Variants in MYCBP2 observed in about 807,000 individuals in gnomAD.
The protein encoded by MYCBP2 is E3 ubiquitin-protein ligase MYCBP2.
MYCBP2 carries 120 observed loss-of-function variants against 525.3 expected under a neutral mutation model. That is an observed-to-expected ratio of 0.23 (90% CI 0.20 to 0.27). The LOEUF (loss-of-function observed/expected upper bound fraction) is 0.27. MYCBP2 is among the 10% of genes least tolerant of loss of function. MYCBP2 has a pLI of 1.00. For synonymous variants in MYCBP2, 1,894 were observed against 1,955.8 expected, an observed-to-expected ratio of 0.97 and a Z score of 0.83; for missense variants, 4,149 against 5,657.1, an observed-to-expected ratio of 0.73 and a Z score of 8.55.
intron 23 of MYCBP2, among the ~76,000 whole-genome samples, chr13:77,209,324 A>G (rs138600326): frequency 6.6e-6 from 1 of 152,330 alleles, no homozygotes; most frequent in East Asian, 1.9e-4. Context: ...TTATACTGTT[A>G]TTGCTAACTT....
intron 39 of MYCBP2, among the ~76,000 whole-genome samples, chr13:77,169,251 C>A (rs2058873343): frequency 1.3e-5 from 2 of 152,076 alleles, no homozygotes; most frequent in Non-Finnish European, 2.9e-5. Flanking sequence ...AAAAAATTAG[C>A]CGGGCGCAGT....
Position 77,232,042 on chromosome 13 carries a change from T to C in MYCBP2, c.2737+1114A>G, listed in dbSNP as rs143830500. ...ACACTATTTTTATTTCTGCAGAGTA[T>C]ATCTTAAGTTGTGCTCTATTTACAC... On this transcript the variant is annotated intron_variant, in intron 18 of 82. Transcript: ENST00000544440. Among the ~76,000 whole-genome samples the C allele has an allele frequency of 4.2e-3, 635 of 152,344 alleles. 6 individuals carry two copies. Among genetic ancestry groups the C allele is most frequent in the African/African-American group, 0.014 (571 of 41,580 alleles).
chr13:77,098,878 C>T lies in MYCBP2; in HGVS notation c.8276G>A (p.Arg2759Lys). The T allele has an allele frequency of 1.2e-6, 2 of 1,613,656 alleles. No homozygotes were observed. The highest frequency in any genetic ancestry group is 1.7e-6 in the Non-Finnish European group (2 of 1,179,746). ...SRTTADQKKPRGTESLSASES... is the reference protein window; with the variant it reads ...SRTTADQKKPKGTESLSASES... Reference sequence around the variant, plus strand: ...ACTAGCAGATAAACTTTCTGTGCCCCTTGGCTTCTTCTGATCAGCAGTAGT... The same window carrying T: ...ACTAGCAGATAAACTTTCTGTGCCCTTTGGCTTCTTCTGATCAGCAGTAGT... The change falls in exon 56 of 83, where the codon AGG becomes AAG. Residue 2759 changes from arginine (R) to lysine (K), a missense_variant. This residue lies in a region of MYCBP2 where 653 missense variants were observed against 744.7 expected (regional missense o/e 0.88). Coordinates refer to ENST00000544440, the MANE Select transcript of MYCBP2 (RefSeq NM_015057.5).
intron 80 of MYCBP2, among the ~76,000 whole-genome samples, chr13:77,054,056 G>A (rs1203368800): frequency 6.6e-6 from 1 of 152,274 alleles, no homozygotes; most frequent in Non-Finnish European, 1.5e-5. Flanking sequence ...GAAGTGAGAT[G>A]GGGGTATGTT....
intron 55 of MYCBP2, among the ~76,000 whole-genome samples, chr13:77,120,371 A>C (rs1307076845): frequency 6.6e-6 from 1 of 152,210 alleles, no homozygotes; most frequent in Non-Finnish European, 1.5e-5. Flanking sequence ...TCATAAAAAT[A>C]CTTTGTGGAA....
rs777801953 is a variant in MYCBP2 at position 77,090,215 on chromosome 13, G to A, written c.10416C>T (p.Val3472=). The A allele has an allele frequency of 5.6e-6, 9 of 1,612,636 alleles. No homozygotes were observed. In the South Asian group the frequency reaches 6.6e-5, roughly 12 times the overall value. Residue 3472 remains valine (V), a synonymous_variant, in exon 60 of 83, where the codon GTC becomes GTT. Coordinates refer to ENST00000544440, the MANE Select transcript of MYCBP2 (RefSeq NM_015057.5). The part of the protein sequence containing the change: ...ITDTDLAKRT[V]FQRSYSVVAS... ...CAACAACTGAGTATGATCTTTGGAA[G>A]ACAGTTCTCTTTGCAAGATCAGTAT...
At chr13:77,056,414 C>T (rs759048500) in intron 79 of MYCBP2, among the ~76,000 whole-genome samples, 29 of 151,896 alleles carry the variant, frequency 1.9e-4, no homozygotes, top group Non-Finnish European at 4.0e-4. Context: ...CAAAAAGGGG[C>T]GATGAATTAA....
chr13:77,077,009 T>G, intron 67 of MYCBP2, 139 bp downstream of exon 67: 1 of 1,227,402 alleles, frequency 8.1e-7, no homozygotes, highest in South Asian at 1.5e-5. Context: ...AACTCAGGTG[T>G]TTAGGGCTAT....
intron 1 of MYCBP2, among the ~76,000 whole-genome samples, chr13:77,324,261 A>G (rs1219743405): frequency 6.6e-6 from 1 of 152,148 alleles, no homozygotes. Context: ...TTTTCTTCTT[A>G]ATTTTGATTC....
chr13:77,050,201 G>T (rs1351506625), intron 82 of MYCBP2, among the ~76,000 whole-genome samples: 2 of 152,120 alleles, frequency 1.3e-5, no homozygotes, highest in African/African-American at 4.8e-5. Context: ...TGGTAATTTT[G>T]AGAGGCACTA....
At chr13:77,137,672 T>C (rs1042040540) in intron 52 of MYCBP2, among the ~76,000 whole-genome samples, 1 of 152,144 alleles carries the variant, frequency 6.6e-6, no homozygotes, top group African/African-American at 2.4e-5. Flanking sequence ...CACTGCAACC[T>C]CCACCTCCTG....
intron 45 of MYCBP2, 151 bp from the exon 46 acceptor site, chr13:77,156,353 G>A: frequency 1.5e-6 from 1 of 679,858 alleles, no homozygotes; most frequent in Non-Finnish European, 2.3e-6. Flanking sequence ...AATCATGAGT[G>A]TCTCCCTCAG....
intron 2 of MYCBP2, among the ~76,000 whole-genome samples, chr13:77,289,529 AAGTT>A (rs755961112): frequency 4.4e-4 from 67 of 152,082 alleles, no homozygotes; most frequent in Admixed American, 1.2e-3. Flanking sequence ...AAAAAAGTCT[AAGTT>A]AGGAATAGAA....
At chr13:77,279,220 T>C (rs763749462) in intron 3 of MYCBP2, among the ~76,000 whole-genome samples, 3 of 152,292 alleles carry the variant, frequency 2.0e-5, no homozygotes, top group South Asian at 2.1e-4. Context: ...ACAGCACATA[T>C]AGTAAAAAGA....
At chr13:77,291,586 G>A (rs1567175016) in intron 2 of MYCBP2, among the ~76,000 whole-genome samples, 1 of 152,166 alleles carries the variant, frequency 6.6e-6, no homozygotes, top group Admixed American at 6.5e-5. Context: ...GCCTCCACAT[G>A]GAGAAACCCC....
chr13:77,087,062 A>T (rs960714959), intron 62 of MYCBP2, among the ~76,000 whole-genome samples: 1 of 152,040 alleles, frequency 6.6e-6, no homozygotes, highest in Non-Finnish European at 1.5e-5. Context: ...GTTCTTGCTC[A>T]TGGTGTCTTG....
intron 62 of MYCBP2, among the ~76,000 whole-genome samples, chr13:77,086,809 A>C (rs898903171): frequency 1.2e-4 from 19 of 152,034 alleles, no homozygotes; most frequent in Non-Finnish European, 7.4e-5. Flanking sequence ...ATATTTAGCC[A>C]ATTTTTTCAC....
chr13:77,270,429 T>C lies in MYCBP2; in HGVS notation c.1055A>G (p.His352Arg). Residue 352 changes from histidine (H) to arginine (R), a missense_variant, in exon 6 of 83, where the codon CAC becomes CGC. His to Arg is a conservative substitution (Grantham distance 29, BLOSUM62 0). Around this residue, in one of 21 missense-constraint regions of MYCBP2, gnomAD observed 413 missense variants for 451.2 expected, o/e 0.92. Transcript: ENST00000544440. Reference sequence around the variant, plus strand: ...AGATATTTCTTTTAATGGCCACTTGTGCATTAAAGCTGCTTTCTTAATGCC... The same window carrying C: ...AGATATTTCTTTTAATGGCCACTTGCGCATTAAAGCTGCTTTCTTAATGCC... ...SNGIKKAALM[H>R]KWPLKEISVD... 3.1e-6 allele frequency: 5 copies of C among 1,613,830 alleles called. No homozygotes were observed. The highest frequency in any genetic ancestry group is 4.2e-6 in the Non-Finnish European group (5 of 1,179,834).
chr13:77,322,324 A>G (rs149658327), intron 1 of MYCBP2, among the ~76,000 whole-genome samples: 151 of 152,220 alleles, frequency 9.9e-4, no homozygotes, highest in African/African-American at 3.5e-3. Flanking sequence ...AATCCCCTCT[A>G]TTGTTTTCAC....
Sources: allele counts gnomAD v4.1 joint callset (sites outside exome capture counted in the v4.1 genomes callset), GRCh38; gene constraint gnomAD v4.1.1; regional missense constraint gnomAD v4.1.1; transcripts MANE v1.5; gene names NCBI Gene and HGNC (gene_info 2026-07-23, HGNC 2026-07-21).